PSMC6: variants seen among roughly 807,000 people sequenced by gnomAD.
PSMC6 encodes the protein 26S proteasome regulatory subunit 10B.
In PSMC6, 3 loss-of-function variants were observed where a neutral mutation model predicts 55.9. The ratio of observed to expected loss-of-function variants is 0.05; its 90% confidence interval spans 0.02 to 0.14. The LOEUF is 0.14. Ranked by LOEUF, PSMC6 falls within the 10% of genes least tolerant of loss-of-function variation. The probability of loss-of-function intolerance (pLI) is 1.00; values close to 1 mark genes in which losing one functional copy is unlikely to be tolerated. For synonymous variants in PSMC6, 137 were observed against 155.9 expected, an observed-to-expected ratio of 0.88 and a Z score of 0.90; for missense variants, 210 against 478.7, an observed-to-expected ratio of 0.44 and a Z score of 5.24.
chr14:52,714,865 CA>C (rs373579933), intron 7 of PSMC6, among the ~76,000 whole-genome samples: 284 of 67,114 alleles, frequency 4.2e-3, no homozygotes, highest in African/African-American at 7.3e-3. Flanking sequence ...GACTCCTTCT[CA>C]AAAAAAAAAA....
At chr14:52,709,409 C>T (rs775346465) in intron 4 of PSMC6, among the ~76,000 whole-genome samples, 30 of 152,106 alleles carry the variant, frequency 2.0e-4, no homozygotes, top group Non-Finnish European at 4.1e-4. Context: ...ATTGTCATTT[C>T]AGGTTCAGGT....
chr14:52,722,526 A>G (rs1022931842), intron 12 of PSMC6: 3 of 152,308 alleles, frequency 2.0e-5, no homozygotes, highest in South Asian at 2.1e-4. Context: ...TTATGATGAC[A>G]GGTTCTTAGA....
chr14:52,727,377 A>G (rs1566663170), intron 13 of PSMC6, 122 bp from the exon 14 acceptor site: 4 of 701,394 alleles, frequency 5.7e-6, no homozygotes, highest in Non-Finnish European at 9.1e-6. Context: ...AATTACAACT[A>G]CTGGCTCAGA....
rs371293581 is a variant in PSMC6, at chr14:52,708,728, A to G, written c.206-36A>G. 1.2e-5 allele frequency: 20 copies of G among 1,609,644 alleles called. No individual in the cohort carries two copies. In the African/African-American group the frequency reaches 1.6e-4, roughly 13 times the overall value. On this transcript the variant is annotated intron_variant, in intron 3 of 13. Coordinates refer to ENST00000445930, the MANE Select transcript of PSMC6 (RefSeq NM_002806.5). ...GTGGGTATGTATTTTTTTACTTTCT[A>G]TTTTTCAATTAGTTCTTTTATGTTT... is the stretch of plus-strand genomic sequence containing the variant.
At position 52,707,307 on chromosome 14, in the gene PSMC6, G is replaced by A. The variant is rs369905672; in HGVS notation, c.85+3G>A. On this transcript the variant is annotated splice_donor_region_variant and intron_variant, in intron 1 of 13. Coordinates refer to ENST00000445930, the MANE Select transcript of PSMC6 (RefSeq NM_002806.5). The stretch of plus-strand genomic sequence containing the variant: ...GATCGACGGCCGTCTTAAGGAGTGT[G>A]AGTGCACCTTTCTTTCCATTTAATC... 5.9e-5 allele frequency: 96 copies of A among 1,613,930 alleles called. No homozygotes were observed. In the African/African-American group the frequency reaches 1.1e-3, roughly 18 times the overall value.
chr14:52,725,704 C>T (rs1351738540), intron 13 of PSMC6, among the ~76,000 whole-genome samples: 2 of 152,100 alleles, frequency 1.3e-5, no homozygotes, highest in African/African-American at 2.4e-5. Context: ...TTTGTAGAGA[C>T]GGGTTTCACC....
At position 52,711,434 on chromosome 14, in the gene PSMC6, A is replaced by G; in HGVS notation, c.351A>G (p.Pro117=). The G allele has an allele frequency of 1.2e-6, 2 of 1,610,870 alleles. No individual in the cohort carries two copies. Among genetic ancestry groups the G allele is most frequent in the Non-Finnish European group, 1.7e-6 (2 of 1,177,944 alleles). The change falls in exon 6 of 14, where the codon CCA becomes CCG. Residue 117 remains proline (P), a synonymous_variant. Coordinates refer to ENST00000445930, the MANE Select transcript of PSMC6 (RefSeq NM_002806.5). ...GATATTTGCCGAGAGAGGTGGATCC[A>G]CTGGTTTATAACATGTCTCATGAGG... ...IMRYLPREVD[P]LVYNMSHEDP...
At chr14:52,727,364 G>A in intron 13 of PSMC6, 135 bp from the exon 14 acceptor site, 1 of 655,772 alleles carries the variant, frequency 1.5e-6, no homozygotes, top group East Asian at 3.0e-5. Flanking sequence ...GTGGTTTTTA[G>A]CAAATTACAA....
At chr14:52,711,335 A>G (rs1420916630) in intron 5 of PSMC6, 75 bp from the exon 6 acceptor site, 4 of 1,354,774 alleles carry the variant, frequency 3.0e-6, no homozygotes, top group Non-Finnish European at 2.1e-6. Context: ...TGCTTGAGCA[A>G]GTTATTTATA....
intron 6 of PSMC6, among the ~76,000 whole-genome samples, chr14:52,712,519 A>G (rs1323340345): frequency 6.6e-6 from 1 of 152,188 alleles, no homozygotes; most frequent in Non-Finnish European, 1.5e-5. Context: ...AATCCCATGT[A>G]TACATGCAGT....
intron 4 of PSMC6, 182 bp from the exon 5 acceptor site, chr14:52,710,919 G>T (rs2041765002): frequency 3.2e-6 from 2 of 629,398 alleles, no homozygotes; most frequent in Non-Finnish European, 5.7e-6. Flanking sequence ...TAAGGAGCAG[G>T]TGGAAATCAC....
intron 10 of PSMC6, 91 bp from the exon 11 acceptor site, chr14:52,720,770 A>T: frequency 9.8e-7 from 1 of 1,023,400 alleles, no homozygotes; most frequent in Non-Finnish European, 1.4e-6. Flanking sequence ...TCTGTAGACA[A>T]TACATTTCAT....
At chr14:52,715,370 G>A (rs907200274) in intron 7 of PSMC6, among the ~76,000 whole-genome samples, 1 of 152,148 alleles carries the variant, frequency 6.6e-6, no homozygotes, top group African/African-American at 2.4e-5. Context: ...TTGCTTGAAT[G>A]GACCATTTAC....
intron 13 of PSMC6, among the ~76,000 whole-genome samples, chr14:52,724,304 C>T (rs141876529): frequency 2.0e-5 from 3 of 152,208 alleles, no homozygotes; most frequent in African/African-American, 7.2e-5. Flanking sequence ...CCAGGATCAC[C>T]CAGCTGAAAG....
At chr14:52,721,607 A>G in intron 12 of PSMC6, 1 of 155,336 alleles carries the variant, frequency 6.4e-6, no homozygotes, top group Middle Eastern at 3.3e-3. Flanking sequence ...TTGAGGTTGC[A>G]GGGAGCTATG....
chr14:52,718,835 A>G, intron 9 of PSMC6, 142 bp from the exon 10 acceptor site: 1 of 659,922 alleles, frequency 1.5e-6, no homozygotes, highest in Non-Finnish European at 2.6e-6. Flanking sequence ...ACCAAAATCA[A>G]GTCTAACTTT....
chr14:52,718,891 C>T (rs902577843), intron 9 of PSMC6, 86 bp from the exon 10 acceptor site: 6 of 1,025,610 alleles, frequency 5.9e-6, no homozygotes, highest in Non-Finnish European at 8.9e-6. Context: ...ATGTTTTAAG[C>T]CACAGACTGT....
chr14:52,713,855 T>A, intron 6 of PSMC6, 26 bp from the exon 7 acceptor site: 5 of 1,460,878 alleles, frequency 3.4e-6, no homozygotes, highest in Non-Finnish European at 3.8e-6. Flanking sequence ...ACTAACTTTT[T>A]AAGAAAGATT....
chr14:52,716,228 C>G (rs2041828828), intron 7 of PSMC6, among the ~76,000 whole-genome samples: 1 of 152,136 alleles, frequency 6.6e-6, no homozygotes, highest in Non-Finnish European at 1.5e-5. Flanking sequence ...AGAAAGAACC[C>G]TTGTACACTA....
Sources: gnomAD v4.1 joint callset for allele counts (sites outside exome capture counted in the v4.1 genomes callset) on GRCh38, gnomAD v4.1.1 for gene constraint, MANE v1.5 for transcripts, NCBI Gene and HGNC (gene_info 2026-07-23, HGNC 2026-07-21) for gene names.